The following CCSER1 variants were observed in gnomAD, a reference collection of about 807,000 sequenced individuals.
CCSER1 encodes serine-rich coiled-coil domain-containing protein 1.
Under a neutral mutation model 82.0 loss-of-function variants are expected in CCSER1, and 41 were observed. That is an observed-to-expected ratio of 0.50 (90% CI 0.39 to 0.65). The LOEUF is 0.65. CCSER1 is among the 30% of genes least tolerant of loss of function. CCSER1 has a pLI of 0.00. For missense variants in CCSER1, 1,119 were observed against 1,064.2 expected (o/e 1.05, Z -0.72); for synonymous variants, 414 against 383.9 (o/e 1.08, Z -0.92).
intron 9 of CCSER1, among the ~76,000 whole-genome samples, chr4:90,924,234 T>C (rs551795758): frequency 6.6e-6 from 1 of 152,268 alleles, no homozygotes; most frequent in Non-Finnish European, 1.5e-5. Context: ...TAAGTAGAAA[T>C]AAAATAGAAA....
At chr4:91,294,425 G>A (rs562247921) in intron 10 of CCSER1, among the ~76,000 whole-genome samples, 3 of 151,772 alleles carry the variant, frequency 2.0e-5, no homozygotes, top group South Asian at 2.1e-4. Flanking sequence ...ATAATATGTC[G>A]AACTCTCTTA....
At chr4:91,060,219 G>C (rs1433337355) in intron 9 of CCSER1, among the ~76,000 whole-genome samples, 1 of 151,950 alleles carries the variant, frequency 6.6e-6, no homozygotes, top group Non-Finnish European at 1.5e-5. Context: ...AAAACTGATA[G>C]CTTTTCATGT....
chr4:91,371,328 A>G (rs1217266165), intron 10 of CCSER1, among the ~76,000 whole-genome samples: 3 of 146,498 alleles, frequency 2.0e-5, no homozygotes, highest in African/African-American at 7.7e-5. Context: ...TACCTTTCTC[A>G]GCCTCTGCTA....
At chr4:91,341,891 A>T (rs1033449233) in intron 10 of CCSER1, among the ~76,000 whole-genome samples, 11 of 152,150 alleles carry the variant, frequency 7.2e-5, no homozygotes, top group African/African-American at 2.7e-4. Flanking sequence ...AAATATAAAG[A>T]CTTTTACCAG....
At chr4:90,325,708 G>A in intron 3 of CCSER1, 3 of 420,656 alleles carry the variant, frequency 7.1e-6, no homozygotes, top group Middle Eastern at 3.4e-4. Context: ...GGAATCTGAG[G>A]TTTGTACATT....
intron 10 of CCSER1, among the ~76,000 whole-genome samples, chr4:91,277,901 A>G (rs1742609982): frequency 6.6e-6 from 1 of 151,906 alleles, no homozygotes; most frequent in Non-Finnish European, 1.5e-5. Context: ...TCTTTTCAAT[A>G]AATTATTTTA....
chr4:91,311,972 A>G (rs578037636), intron 10 of CCSER1, among the ~76,000 whole-genome samples: 2 of 151,984 alleles, frequency 1.3e-5, no homozygotes, highest in Admixed American at 1.3e-4. Context: ...AGGACTAATG[A>G]TTTAGTTTTG....
chr4:90,971,706 C>T (rs577503559), intron 9 of CCSER1, among the ~76,000 whole-genome samples: 6 of 151,868 alleles, frequency 4.0e-5, no homozygotes, highest in East Asian at 1.9e-4. Flanking sequence ...AAGTATTCTA[C>T]GAGAAAAGAC....
chr4:90,907,421 G>A lies in CCSER1; in HGVS notation c.2095-15949G>A, dbSNP rs17017811. 5.8e-3 allele frequency among the ~76,000 whole-genome samples: 882 copies of A among 152,128 alleles called. 5 individuals are homozygous for A. Among genetic ancestry groups the A allele is most frequent in the Admixed American group, 0.012 (179 of 15,262 alleles). On this transcript the variant is annotated intron_variant, in intron 8 of 10. Coordinates refer to ENST00000509176, the MANE Select transcript of CCSER1 (RefSeq NM_001145065.2). ...AAAAATTCTTCTGGACCTATTTCCT[G>A]TAGAAGATATGTCTGTATTCATCAT... is the stretch of plus-strand genomic sequence containing the variant.
rs563301440 is a variant in CCSER1, at chr4:90,760,423, ATC to A, written c.2010+36434_2010+36435del. Among the ~76,000 whole-genome samples the A allele has an allele frequency of 1.6e-3, 246 of 152,158 alleles. 1 individual carries two copies. The highest frequency in any genetic ancestry group is 5.7e-3 in the African/African-American group (238 of 41,570). On this transcript the variant is annotated intron_variant, in intron 7 of 10. Transcript: ENST00000509176. Reference sequence around the variant, plus strand: ...TGTTAATTTTATCTTGTCATTTTAGATCTTTTACAGCACTTAATATCATAATT... The same window carrying A: ...TGTTAATTTTATCTTGTCATTTTAGATTTTACAGCACTTAATATCATAATT...
intron 5 of CCSER1, among the ~76,000 whole-genome samples, chr4:90,496,681 G>T (rs1457904562): frequency 6.6e-6 from 1 of 152,068 alleles, no homozygotes; most frequent in East Asian, 1.9e-4. Flanking sequence ...AAACCTTAAA[G>T]AAAATAAAAG....
At chr4:90,523,300 G>C (rs1437717439) in intron 5 of CCSER1, among the ~76,000 whole-genome samples, 1 of 152,132 alleles carries the variant, frequency 6.6e-6, no homozygotes, top group Non-Finnish European at 1.5e-5. Flanking sequence ...TATCAGTCCA[G>C]TGCCCAAAAT....
At chr4:90,576,672 C>T (rs1235218623) in intron 5 of CCSER1, among the ~76,000 whole-genome samples, 1 of 152,078 alleles carries the variant, frequency 6.6e-6, no homozygotes, top group African/African-American at 2.4e-5. Context: ...TTTAAGTCTC[C>T]TCCATGTATT....
rs1197005300 is a variant in CCSER1, at chr4:90,265,300, T to C, written c.-41-42944T>C. 2.0e-5 allele frequency among the ~76,000 whole-genome samples: 3 copies of C among 151,938 alleles called. No homozygotes were observed. In the East Asian group the frequency reaches 5.8e-4, roughly 29 times the overall value. On this transcript the variant is annotated intron_variant, in intron 1 of 10. Transcript: ENST00000509176. ...TTTCATAGAAAGTAACTTTCATATT[T>C]AGAATAAAATATATTTGTATGTATA...
intron 10 of CCSER1, among the ~76,000 whole-genome samples, chr4:91,529,085 C>A (rs187289146): frequency 6.6e-6 from 1 of 152,154 alleles, no homozygotes; most frequent in African/African-American, 2.4e-5. Context: ...AGGTTTTGAT[C>A]AAATCATTCC....
intron 7 of CCSER1, among the ~76,000 whole-genome samples, chr4:90,764,479 A>G (rs1046326345): frequency 1.3e-5 from 2 of 152,148 alleles, no homozygotes; most frequent in Non-Finnish European, 2.9e-5. Context: ...TAGGTGTTTT[A>G]TACCTACAGA....
chr4:90,878,492 T>C (rs1720708120), intron 8 of CCSER1, among the ~76,000 whole-genome samples: 1 of 152,220 alleles, frequency 6.6e-6, no homozygotes, highest in Non-Finnish European at 1.5e-5. Flanking sequence ...TGTTCTACTC[T>C]TGGGGTGTTG....
At chr4:91,482,796 G>T (rs1327654962) in intron 10 of CCSER1, among the ~76,000 whole-genome samples, 1 of 152,124 alleles carries the variant, frequency 6.6e-6, no homozygotes, top group East Asian at 1.9e-4. Flanking sequence ...CCTTTGTAGG[G>T]ACATGGATGA....
At chr4:90,176,313 A>G (rs1038390924) in intron 1 of CCSER1, among the ~76,000 whole-genome samples, 5 of 152,076 alleles carry the variant, frequency 3.3e-5, no homozygotes, top group Non-Finnish European at 5.9e-5. Flanking sequence ...AGTATCAGAC[A>G]GGCTAATTTG....
Sources: allele counts gnomAD v4.1 joint callset (sites outside exome capture counted in the v4.1 genomes callset), GRCh38; gene constraint gnomAD v4.1.1; transcripts MANE v1.5; gene names NCBI Gene and HGNC (gene_info 2026-07-23, HGNC 2026-07-21).